The following COL26A1 variants were observed in gnomAD, a reference collection of about 807,000 sequenced individuals.
COL26A1 encodes collagen alpha-1(XXVI) chain.
In COL26A1, 41 loss-of-function variants were observed where a neutral mutation model predicts 59.3. The ratio of observed to expected loss-of-function variants is 0.69; its 90% CI spans 0.54 to 0.90. The LOEUF is 0.90. COL26A1 is among the 40% of genes least tolerant of loss of function. The pLI is 0.00. For missense variants in COL26A1, 612 were observed against 602.3 expected (o/e 1.02, Z -0.17); for synonymous variants, 266 against 256.0 (o/e 1.04, Z -0.37).
intron 12 of COL26A1, 36 bp downstream of exon 12, chr7:101,555,907 C>T (rs908790250): frequency 2.6e-6 from 4 of 1,528,480 alleles, no homozygotes; most frequent in South Asian, 2.4e-5. Context: ...CTGGGAATCT[C>T]TCTCCCCTCC....
intron 1 of COL26A1, among the ~76,000 whole-genome samples, chr7:101,400,917 C>T (rs562686556): frequency 3.3e-5 from 5 of 152,194 alleles, no homozygotes; most frequent in African/African-American, 9.6e-5. Context: ...GTGGGCCCTG[C>T]GCTAAACCCG....
intron 2 of COL26A1, 108 bp from the exon 3 acceptor site, chr7:101,447,576 C>T: frequency 1.4e-6 from 1 of 725,676 alleles, no homozygotes; most frequent in Admixed American, 2.3e-5. Flanking sequence ...CCATGGGGGC[C>T]TCCCGGAGCC....
intron 3 of COL26A1, among the ~76,000 whole-genome samples, chr7:101,478,762 G>C (rs1194067633): frequency 6.6e-6 from 1 of 151,936 alleles, no homozygotes; most frequent in African/African-American, 2.4e-5. Context: ...CAAGTTGGTG[G>C]GTGTCATTCC....
chr7:101,389,204 T>C (rs116163923), intron 1 of COL26A1: 1,960 of 153,116 alleles, frequency 0.013, 37 homozygotes, highest in African/African-American at 0.044. Flanking sequence ...TGATTAGTGA[T>C]GTTGAACATC....
chr7:101,482,688 G>A (rs915042821), intron 3 of COL26A1, among the ~76,000 whole-genome samples: 1 of 152,190 alleles, frequency 6.6e-6, no homozygotes, highest in Non-Finnish European at 1.5e-5. Context: ...TCCTTAGGGT[G>A]ACTCACGCCT....
chr7:101,454,268 C>CTTTTTTTTTTTTTTT (rs58969139), intron 3 of COL26A1, among the ~76,000 whole-genome samples: 3 of 137,348 alleles, frequency 2.2e-5, no homozygotes, highest in Admixed American at 7.7e-5. Context: ...TCTTTTCTTT[C>CTTTTTTTTTTTTTTT]TTTTTTTTTT....
At chr7:101,485,894 C>T (rs879437926) in intron 3 of COL26A1, among the ~76,000 whole-genome samples, 10 of 152,028 alleles carry the variant, frequency 6.6e-5, no homozygotes, top group East Asian at 1.9e-4. Flanking sequence ...CAGCGGAGCC[C>T]GGGCACGATG....
intron 2 of COL26A1, among the ~76,000 whole-genome samples, chr7:101,420,921 G>C (rs952389099): frequency 2.0e-5 from 3 of 151,980 alleles, no homozygotes; most frequent in Non-Finnish European, 2.9e-5. Flanking sequence ...CTCCTCTCCA[G>C]GCCGTGCTTA....
chr7:101,436,971 C>T (rs1792931270), intron 2 of COL26A1, among the ~76,000 whole-genome samples: 1 of 152,132 alleles, frequency 6.6e-6, no homozygotes, highest in Non-Finnish European at 1.5e-5. Flanking sequence ...GCCTTGACCT[C>T]CCAAAGTGCT....
chr7:101,397,805 TG>T (rs1402669647), intron 1 of COL26A1, among the ~76,000 whole-genome samples: 1 of 152,156 alleles, frequency 6.6e-6, no homozygotes, highest in African/African-American at 2.4e-5. Flanking sequence ...CCCAAGGTGC[TG>T]GGATTACAGG....
At chr7:101,397,820 G>A (rs1012060847) in intron 1 of COL26A1, among the ~76,000 whole-genome samples, 1 of 152,164 alleles carries the variant, frequency 6.6e-6, no homozygotes, top group African/African-American at 2.4e-5. Context: ...TTACAGGTGT[G>A]AGCCACCATG....
intron 1 of COL26A1, among the ~76,000 whole-genome samples, chr7:101,394,450 A>G (rs1791804649): frequency 6.6e-6 from 1 of 152,164 alleles, no homozygotes; most frequent in Admixed American, 6.5e-5. Context: ...TGTGTTGCCC[A>G]GGCTAAAGTG....
intron 1 of COL26A1, among the ~76,000 whole-genome samples, chr7:101,410,877 AT>A (rs1007994707): frequency 1.3e-5 from 2 of 148,296 alleles, no homozygotes; most frequent in African/African-American, 5.1e-5. Flanking sequence ...TTTTTTTCTA[AT>A]TTTTTTTTGT....
intron 3 of COL26A1, among the ~76,000 whole-genome samples, chr7:101,465,037 T>C (rs1793724670): frequency 7.3e-6 from 1 of 136,452 alleles, no homozygotes; most frequent in East Asian, 2.0e-4. Context: ...TTTCTTTCTT[T>C]TTTTTTTTTT....
At chr7:101,453,137 G>A (rs1266164320) in intron 3 of COL26A1, among the ~76,000 whole-genome samples, 2 of 152,164 alleles carry the variant, frequency 1.3e-5, no homozygotes, top group African/African-American at 4.8e-5. Context: ...GGAGCCCAAG[G>A]CAGTGGATCA....
At chr7:101,439,066 G>T (rs2130349352) in intron 2 of COL26A1, among the ~76,000 whole-genome samples, 1 of 152,286 alleles carries the variant, frequency 6.6e-6, no homozygotes, top group East Asian at 1.9e-4. Flanking sequence ...CCCACCTTCA[G>T]CTCATTCCTG....
chr7:101,397,042 A>G (rs1357928387), intron 1 of COL26A1, among the ~76,000 whole-genome samples: 1 of 152,154 alleles, frequency 6.6e-6, no homozygotes, highest in Non-Finnish European at 1.5e-5. Context: ...ATGGAGAGAC[A>G]TGGCCAAAGG....
intron 3 of COL26A1, among the ~76,000 whole-genome samples, chr7:101,492,561 G>A (rs1025950437): frequency 6.6e-6 from 1 of 151,450 alleles, no homozygotes; most frequent in African/African-American, 2.4e-5. Flanking sequence ...GCTGGGTGTG[G>A]TGGTGGGCGC....
rs180882598 is a variant in COL26A1, at chr7:101,490,371, C to T, written c.385+42584C>T. Among the ~76,000 whole-genome samples the T allele has an allele frequency of 3.5e-3, 538 of 152,106 alleles. 3 individuals are homozygous for T. The highest frequency in any genetic ancestry group is 0.012 in the African/African-American group (500 of 41,540). On this transcript the variant is annotated intron_variant, in intron 3 of 12. Transcript: ENST00000313669. Reference sequence around the variant, plus strand: ...GGATTACAGGAATGAGCATTGTGCCCGGCCAACAGTCCATTTTTATGGGCG... The same window carrying T: ...GGATTACAGGAATGAGCATTGTGCCTGGCCAACAGTCCATTTTTATGGGCG...
Sources: gnomAD v4.1 joint callset for allele counts (sites outside exome capture counted in the v4.1 genomes callset) on GRCh38, gnomAD v4.1.1 for gene constraint, MANE v1.5 for transcripts, NCBI Gene and HGNC (gene_info 2026-07-23, HGNC 2026-07-21) for gene names.